The following CPNE4 variants were observed in gnomAD, a reference collection of about 807,000 sequenced individuals.
CPNE4 encodes copine-4.
CPNE4 carries 25 observed loss-of-function variants against 67.9 expected under a neutral mutation model. The ratio of observed to expected loss-of-function variants is 0.37; its 90% CI spans 0.27 to 0.51. CPNE4 has a LOEUF of 0.51. CPNE4 is among the 20% of genes least tolerant of loss of function. The pLI is 0.93. For synonymous variants in CPNE4, 242 were observed against 244.9 expected, an observed-to-expected ratio of 0.99 and a Z score of 0.11; for missense variants, 464 against 690.8, an observed-to-expected ratio of 0.67 and a Z score of 3.68.
intron 2 of CPNE4, among the ~76,000 whole-genome samples, chr3:131,868,006 T>C (rs1361721015): frequency 1.3e-5 from 2 of 152,192 alleles, no homozygotes; most frequent in Non-Finnish European, 1.5e-5. Flanking sequence ...TTTCTGCATT[T>C]CTACCCATAA....
intron 3 of CPNE4, among the ~76,000 whole-genome samples, chr3:131,706,483 A>G (rs1401435688): frequency 6.6e-6 from 1 of 152,210 alleles, no homozygotes; most frequent in Non-Finnish European, 1.5e-5. Flanking sequence ...AGAATCGTAA[A>G]CCGAAATTAA....
At chr3:131,544,249 A>C (rs566520488) in intron 14 of CPNE4, among the ~76,000 whole-genome samples, 3 of 152,348 alleles carry the variant, frequency 2.0e-5, no homozygotes, top group Non-Finnish European at 4.4e-5. Context: ...GAAAGATTGG[A>C]TAGAAGAGTG....
At chr3:131,807,265 C>A (rs2084351921) in intron 2 of CPNE4, among the ~76,000 whole-genome samples, 2 of 152,176 alleles carry the variant, frequency 1.3e-5, no homozygotes, top group Non-Finnish European at 2.9e-5. Context: ...ACCACAAAGT[C>A]ACACGTGCCT....
intron 3 of CPNE4, 60 bp downstream of exon 3, chr3:131,723,386 G>T: frequency 7.0e-7 from 1 of 1,427,780 alleles, no homozygotes; most frequent in Non-Finnish European, 9.7e-7. Flanking sequence ...GAGAGGGAAA[G>T]GGGGCAGGAA....
chr3:131,719,238 A>G (rs1177350267), intron 3 of CPNE4, among the ~76,000 whole-genome samples: 1 of 152,222 alleles, frequency 6.6e-6, no homozygotes, highest in Non-Finnish European at 1.5e-5. Flanking sequence ...AGGTCATGAC[A>G]GAAGCAAGCT....
chr3:131,717,882 C>CTA (rs1553758881), intron 3 of CPNE4, among the ~76,000 whole-genome samples: 1 of 54,102 alleles, frequency 1.8e-5, no homozygotes, highest in East Asian at 6.4e-4. Context: ...TCTTTTCTTT[C>CTA]TTTCTTTCTT....
chr3:131,658,283 C>T (rs935931079), intron 7 of CPNE4, among the ~76,000 whole-genome samples: 11 of 152,098 alleles, frequency 7.2e-5, no homozygotes, highest in Admixed American at 3.9e-4. Context: ...CCCAGTGAGA[C>T]GGGGGACCCT....
intron 11 of CPNE4, among the ~76,000 whole-genome samples, chr3:131,558,785 C>A (rs966156581): frequency 2.6e-5 from 4 of 151,840 alleles, no homozygotes; most frequent in Admixed American, 1.3e-4. Flanking sequence ...AAAAACTGTT[C>A]TCTGAAGCAG....
intron 2 of CPNE4, among the ~76,000 whole-genome samples, chr3:131,895,073 C>A (rs925588082): frequency 1.3e-5 from 2 of 151,948 alleles, no homozygotes; most frequent in African/African-American, 4.8e-5. Flanking sequence ...CATGGATGAA[C>A]CTGGAGAACT....
intron 7 of CPNE4, among the ~76,000 whole-genome samples, chr3:131,653,695 C>T (rs1582962516): frequency 2.0e-5 from 3 of 152,218 alleles, no homozygotes; most frequent in Admixed American, 6.5e-5. Context: ...CTCCCCAACA[C>T]GTTAAAATGC....
At position 131,991,197 on chromosome 3, in the gene CPNE4, T is replaced by A. The variant is rs546267090; in HGVS notation, c.-2+43370A>T. Among the ~76,000 whole-genome samples, 7 of 135,934 alleles carry A rather than the reference T, an allele frequency of 5.1e-5. 1 individual carries two copies. The South Asian group carries it at 1.8e-3, about 35-fold the overall frequency. 89.2% of individuals were successfully genotyped at this position (135,934 alleles called of 152,430 possible). On this transcript the variant is annotated intron_variant, in intron 1 of 15. Transcript: ENST00000429747. ...ATAACGATGGAAGCAACTTTGGAAC[T>A]GGGTAACAGGCAGAGGTTGGAAGAG...
chr3:131,822,819 C>G (rs1427629174), intron 2 of CPNE4, among the ~76,000 whole-genome samples: 1 of 152,078 alleles, frequency 6.6e-6, no homozygotes, highest in Non-Finnish European at 1.5e-5. Flanking sequence ...GCAATGTACA[C>G]TTCTTTCCTT....
At chr3:131,774,503 T>C (rs554221138) in intron 2 of CPNE4, among the ~76,000 whole-genome samples, 48 of 152,228 alleles carry the variant, frequency 3.2e-4, no homozygotes, top group African/African-American at 1.2e-3. Flanking sequence ...TTCACAGTAA[T>C]ATTCATAATT....
chr3:131,956,685 A>G (rs1245983783), intron 1 of CPNE4, among the ~76,000 whole-genome samples: 2 of 152,158 alleles, frequency 1.3e-5, no homozygotes, highest in African/African-American at 4.8e-5. Context: ...ATTGATATAT[A>G]AAGTGTGTCC....
intron 1 of CPNE4, among the ~76,000 whole-genome samples, chr3:132,005,082 A>G (rs1023043589): frequency 1.3e-5 from 2 of 151,860 alleles, no homozygotes; most frequent in Non-Finnish European, 2.9e-5. Flanking sequence ...TGACAGGTAT[A>G]AAACAGAAAC....
At chr3:131,725,950 C>T (rs2081989554) in intron 2 of CPNE4, among the ~76,000 whole-genome samples, 2 of 152,120 alleles carry the variant, frequency 1.3e-5, no homozygotes, top group Admixed American at 1.3e-4. Context: ...GGCATTTTTG[C>T]AACATCTGGT....
At chr3:131,659,795 C>T (rs2080078503) in intron 7 of CPNE4, among the ~76,000 whole-genome samples, 1 of 152,082 alleles carries the variant, frequency 6.6e-6, no homozygotes, top group African/African-American at 2.4e-5. Context: ...CGCTTAGGAG[C>T]TGCCATACCC....
chr3:131,630,773 C>T (rs2107776982), intron 7 of CPNE4, among the ~76,000 whole-genome samples: 1 of 152,222 alleles, frequency 6.6e-6, no homozygotes, highest in South Asian at 2.1e-4. Context: ...TAAGATGAAA[C>T]CTGATTTCCA....
intron 1 of CPNE4, among the ~76,000 whole-genome samples, chr3:131,935,523 G>A (rs982914623): frequency 2.0e-5 from 3 of 152,018 alleles, no homozygotes; most frequent in African/African-American, 7.2e-5. Context: ...TGCTAAAGAA[G>A]GCAAGGAGCC....
Sources: gnomAD v4.1 joint callset for allele counts (sites outside exome capture counted in the v4.1 genomes callset) on GRCh38, gnomAD v4.1.1 for gene constraint, MANE v1.5 for transcripts, NCBI Gene and HGNC (gene_info 2026-07-23, HGNC 2026-07-21) for gene names.